The following PARVB variants were observed in gnomAD, a reference collection of about 807,000 sequenced individuals.
The protein encoded by PARVB is parvin beta, also known as beta-parvin.
Under a neutral mutation model 47.0 loss-of-function variants are expected in PARVB, and 46 were observed. The ratio of observed to expected loss-of-function variants is 0.98; its 90% CI spans 0.77 to 1.25. The LOEUF is 1.25. Among genes scored for constraint, PARVB ranks in the 50% most tolerant of loss-of-function variants. PARVB has a pLI of 0.00. For missense variants in PARVB, 473 were observed against 471.6 expected, an observed-to-expected ratio of 1.00 and a Z score of -0.03; for synonymous variants, 196 against 196.3, an observed-to-expected ratio of 1.00 and a Z score of 0.01.
chr22:44,068,494 G>A lies in PARVB; in HGVS notation c.113-25434G>A, dbSNP rs921299361. 7.2e-5 allele frequency among the ~76,000 whole-genome samples: 11 copies of A among 152,192 alleles called. No individual in the cohort carries two copies. Among genetic ancestry groups the A allele is most frequent in the Non-Finnish European group, 2.9e-5 (2 of 68,036 alleles). Reference sequence around the variant, plus strand: ...TTCCTTTGGGGAAGTGAGTGCTCCCGAGAGCAGCCTGCCGCCTCCGTGTCG... The same window carrying A: ...TTCCTTTGGGGAAGTGAGTGCTCCCAAGAGCAGCCTGCCGCCTCCGTGTCG... On this transcript the variant is annotated intron_variant, in intron 1 of 12. Transcript: ENST00000338758. This position sits in a 1 kb window ranked among gnomAD's most constrained non-coding sequence, Gnocchi z 4.1.
At chr22:44,076,500 G>T (rs1272780552) in intron 1 of PARVB, among the ~76,000 whole-genome samples, 1 of 152,232 alleles carries the variant, frequency 6.6e-6, no homozygotes, top group African/African-American at 2.4e-5. Flanking sequence ...AAGATACAGA[G>T]CCCAGCCTCA....
intron 1 of PARVB, chr22:44,026,456 G>A: frequency 1.9e-6 from 1 of 537,320 alleles, no homozygotes; most frequent in Non-Finnish European, 2.4e-6. Context: ...TTGGATCTAG[G>A]CACAGGAATT....
intron 4 of PARVB, among the ~76,000 whole-genome samples, chr22:44,120,882 C>T (rs1454398466): frequency 1.3e-5 from 2 of 150,952 alleles, no homozygotes; most frequent in Non-Finnish European, 2.9e-5. Flanking sequence ...CTTGCTCTGT[C>T]ACCCAGGCTG....
intron 1 of PARVB, among the ~76,000 whole-genome samples, chr22:44,090,051 G>T (rs1017169610): frequency 2.6e-5 from 4 of 152,168 alleles, no homozygotes; most frequent in African/African-American, 4.8e-5. Flanking sequence ...TCTCCCACTT[G>T]CAGGGAGTAG....
intron 11 of PARVB, among the ~76,000 whole-genome samples, chr22:44,162,236 T>G (rs1377203984): frequency 6.6e-6 from 1 of 152,272 alleles, no homozygotes; most frequent in African/African-American, 2.4e-5. Flanking sequence ...ATTATTAAAT[T>G]ACATTGCAAG....
intron 4 of PARVB, among the ~76,000 whole-genome samples, chr22:44,128,140 C>G (rs976588238): frequency 6.6e-6 from 1 of 152,202 alleles, no homozygotes; most frequent in African/African-American, 2.4e-5. Context: ...CTGCCACATG[C>G]CAGGTTTCTG....
intron 1 of PARVB, among the ~76,000 whole-genome samples, chr22:44,037,879 A>C (rs1156482129): frequency 6.6e-6 from 1 of 152,216 alleles, no homozygotes; most frequent in Non-Finnish European, 1.5e-5. Flanking sequence ...ACAGAACCCT[A>C]GTGGCTTCAT....
At chr22:44,158,194 GTAAAAAATGCACAAGTGATAT>G in intron 11 of PARVB, 111 bp downstream of exon 11, 1 of 688,452 alleles carries the variant, frequency 1.5e-6, no homozygotes, top group South Asian at 1.8e-5. Context: ...TCTTCAGAAA[GTAAAAAATGCACAAGTGATAT>G]TGCAATTAGA....
At position 44,038,986 on chromosome 22, in the gene PARVB, A is replaced by G. The variant is rs188783751; in HGVS notation, c.112+14535A>G. 9.5e-4 allele frequency among the ~76,000 whole-genome samples: 145 copies of G among 152,280 alleles called. 1 individual carries two copies. The highest frequency in any genetic ancestry group is 1.5e-3 in the Non-Finnish European group (100 of 68,010). On this transcript the variant is annotated intron_variant, in intron 1 of 12. Transcript: ENST00000338758. The stretch of plus-strand genomic sequence containing the variant: ...ACAGACACGTCACCAAAGAAGATTG[A>G]CAGATAGCCAATATGCATCTGGAAA...
upstream of PARVB, among the ~76,000 whole-genome samples, chr22:44,020,969 C>T (rs915349988): frequency 1.3e-5 from 2 of 152,014 alleles, no homozygotes; most frequent in African/African-American, 4.8e-5. Context: ...TTAGTAGTGA[C>T]GGGGTTTCAC....
chr22:44,011,504 G>T (rs572679048), intron 2 of PARVB, among the ~76,000 whole-genome samples: 26 of 152,162 alleles, frequency 1.7e-4, no homozygotes, highest in Admixed American at 7.2e-4. Flanking sequence ...CCAGCTGCTC[G>T]GGAGGCTGAG....
intron 1 of PARVB, among the ~76,000 whole-genome samples, chr22:44,088,128 C>G (rs2052075412): frequency 6.6e-6 from 1 of 152,154 alleles, no homozygotes; most frequent in African/African-American, 2.4e-5. Flanking sequence ...AGCTGGGATC[C>G]AAAACCAGCA....
intron 1 of PARVB, among the ~76,000 whole-genome samples, chr22:44,033,373 G>A (rs1452791216): frequency 3.9e-5 from 6 of 152,154 alleles, no homozygotes; most frequent in African/African-American, 1.4e-4. Flanking sequence ...ACTTGGCTGA[G>A]TAACTGTTTA....
chr22:44,161,002 T>G (rs1473660589), intron 11 of PARVB, among the ~76,000 whole-genome samples: 1 of 152,132 alleles, frequency 6.6e-6, no homozygotes, highest in Non-Finnish European at 1.5e-5. Flanking sequence ...CGGTCCAAAT[T>G]GGTGCTGACT....
Position 44,122,536 on chromosome 22 carries a change from GAGAGAGAGAGAGAGAGACAC to G in PARVB, c.376+3402_376+3421del, listed in dbSNP as rs1569134408. ...AGAGAGAGACAGAGAGACAGAGAGA[GAGAGAGAGAGAGAGAGACAC>G]AGAGACAGAGAGAGAGAGAGAGAGA... On this transcript the variant is annotated intron_variant, in intron 4 of 12. Coordinates refer to ENST00000338758, the MANE Select transcript of PARVB (RefSeq NM_013327.5). Among the ~76,000 whole-genome samples the G allele has an allele frequency of 7.9e-4, 76 of 95,852 alleles. 5 individuals carry two copies. Among genetic ancestry groups the G allele is most frequent in the African/African-American group, 2.1e-3 (41 of 19,774 alleles). 62.9% of individuals were successfully genotyped at this position (95,852 alleles called of 152,430 possible).
At chr22:44,160,161 G>A (rs2054021573) in intron 11 of PARVB, among the ~76,000 whole-genome samples, 1 of 152,208 alleles carries the variant, frequency 6.6e-6, no homozygotes, top group African/African-American at 2.4e-5. Context: ...GCCACGTGCT[G>A]AGCACCTTGC....
At chr22:44,123,720 G>A (rs770627186) in intron 4 of PARVB, among the ~76,000 whole-genome samples, 10 of 149,580 alleles carry the variant, frequency 6.7e-5, no homozygotes, top group Admixed American at 2.0e-4. Flanking sequence ...TGGCCAATAC[G>A]AGGCTTTGCC....
chr22:44,095,973 C>T (rs955756765), intron 2 of PARVB, among the ~76,000 whole-genome samples: 10 of 152,164 alleles, frequency 6.6e-5, no homozygotes, highest in Admixed American at 6.6e-5. Flanking sequence ...CCTGTAATCT[C>T]GGCACTTTGG....
rs370193414 is a variant in PARVB at position 44,160,870 on chromosome 22, G to A, written c.945+2787G>A. Reference sequence around the variant, plus strand: ...CGTCACCCGATCACACTCTCCAGCCGTCTCTGAGTGTCTCCACGTGTCATG... The same window carrying A: ...CGTCACCCGATCACACTCTCCAGCCATCTCTGAGTGTCTCCACGTGTCATG... On this transcript the variant is annotated intron_variant, in intron 11 of 12. Transcript: ENST00000338758. Among the ~76,000 whole-genome samples, 15 of 152,194 alleles carry A rather than the reference G, an allele frequency of 9.9e-5. 1 individual carries two copies. The highest frequency in any genetic ancestry group is 8.3e-4 in the South Asian group (4 of 4,822).
Sources: gnomAD v4.1 joint callset for allele counts (sites outside exome capture counted in the v4.1 genomes callset) on GRCh38, gnomAD v4.1.1 for gene constraint, Gnocchi (gnomAD v3.1) non-coding constraint, MANE v1.5 for transcripts, NCBI Gene and HGNC (gene_info 2026-07-23, HGNC 2026-07-21) for gene names.